USP31: variants seen among roughly 807,000 people sequenced by gnomAD.
USP31 encodes the protein ubiquitin carboxyl-terminal hydrolase 31.
In USP31, 44 loss-of-function variants were observed where a neutral mutation model predicts 119.4. That is an observed-to-expected ratio of 0.37 (90% CI 0.29 to 0.47). The LOEUF (loss-of-function observed/expected upper bound fraction) is 0.47, where lower values mean the gene tolerates loss of function less well. USP31 is among the 20% of genes least tolerant of loss of function. The pLI, the probability that USP31 is intolerant of heterozygous loss-of-function variation, is 0.99. For synonymous variants in USP31, 749 were observed against 705.6 expected (o/e 1.06, Z -0.97); for missense variants, 1,643 against 1,730.2 (o/e 0.95, Z 0.89).
At position 23,149,209 on chromosome 16, in the gene USP31, C is replaced by T; in HGVS notation, c.62G>A (p.Arg21His). 4 of 1,147,398 alleles carry T rather than the reference C, an allele frequency of 3.5e-6. No homozygotes were observed. Among genetic ancestry groups the T allele is most frequent in the South Asian group, 4.1e-5 (1 of 24,264 alleles). 71.1% of individuals were successfully genotyped at this position (1,147,398 alleles called of 1,614,324 possible). A position where few individuals can be genotyped will look rare whatever the true frequency, so the allele number is the denominator to read the frequency against. The change falls in exon 1 of 16, where the codon CGC becomes CAC. Residue 21 changes from arginine (R) to histidine (H), a missense_variant. This residue lies in a region of USP31 where 302 missense variants were observed against 262.6 expected (regional missense o/e 1.15). Transcript: ENST00000219689. Reference sequence around the variant, plus strand: ...CCGAAACAGCCGCTTGCTGAAGGAGCGCTTCTCCTTCCCGCTCGCCGCCGC... The same window carrying T: ...CCGAAACAGCCGCTTGCTGAAGGAGTGCTTCTCCTTCCCGCTCGCCGCCGC... Reference protein sequence around the residue: ...PPAAASGKEKRSFSKRLFRSG... With the variant: ...PPAAASGKEKHSFSKRLFRSG...
chr16:23,113,112 G>A (rs1902376968), intron 1 of USP31, among the ~76,000 whole-genome samples: 1 of 152,150 alleles, frequency 6.6e-6, no homozygotes, highest in African/African-American at 2.4e-5. Flanking sequence ...AAACATGTAG[G>A]TGTCACTATA....
At chr16:23,108,232 A>G in intron 1 of USP31, 49 bp from the exon 2 acceptor site, 1 of 1,548,188 alleles carries the variant, frequency 6.5e-7, no homozygotes, top group Non-Finnish European at 8.7e-7. Context: ...TCCTGGCTTT[A>G]AAGAAAAACT....
At position 23,066,463 on chromosome 16, in the gene USP31, T is replaced by C. The variant is rs539841421; in HGVS notation, c.*1583A>G. On this transcript the variant is annotated 3_prime_UTR_variant, in exon 16 of 16. Coordinates refer to ENST00000219689, the MANE Select transcript of USP31 (RefSeq NM_020718.4). ...ATTCACAGCTATGCATGCATATGTGTTGTAGTTAATTCACACACAGCAATA... is the reference window on the plus strand; with the variant it reads ...ATTCACAGCTATGCATGCATATGTGCTGTAGTTAATTCACACACAGCAATA... 1.3e-5 allele frequency: 2 copies of C among 152,462 alleles called. No individual in the cohort carries two copies. Among genetic ancestry groups the C allele is most frequent in the South Asian group, 2.1e-4 (1 of 4,820 alleles). 9.4% of individuals were successfully genotyped at this position (152,462 alleles called of 1,614,324 possible).
chr16:23,131,286 A>G (rs1397514390), intron 1 of USP31, among the ~76,000 whole-genome samples: 1 of 152,190 alleles, frequency 6.6e-6, no homozygotes, highest in Non-Finnish European at 1.5e-5. Context: ...TGGGCGACAG[A>G]GCAAGACTGT....
intron 15 of USP31, among the ~76,000 whole-genome samples, chr16:23,071,683 G>T (rs1458204924): frequency 6.6e-6 from 1 of 151,824 alleles, no homozygotes; most frequent in African/African-American, 2.4e-5. Context: ...CCCACCACGT[G>T]GCCTGGGCAA....
intron 1 of USP31, among the ~76,000 whole-genome samples, chr16:23,133,348 T>G (rs768792291): frequency 2.2e-4 from 33 of 152,160 alleles, no homozygotes; most frequent in Non-Finnish European, 4.4e-4. Context: ...TCTTTGGTTG[T>G]GCCACGTTCC....
chr16:23,098,925 G>A (rs2141863591), intron 6 of USP31, among the ~76,000 whole-genome samples: 1 of 152,270 alleles, frequency 6.6e-6, no homozygotes, highest in South Asian at 2.1e-4. Context: ...AGGGCTTCAT[G>A]ACTAAAACAC....
Position 23,107,951 on chromosome 16 carries a change from T to C in USP31, c.771+95A>G, listed in dbSNP as rs1174802274. 3.5e-6 allele frequency: 5 copies of C among 1,419,620 alleles called. No individual in the cohort carries two copies. In the South Asian group the frequency reaches 6.2e-5, roughly 18 times the overall value. 87.9% of individuals were successfully genotyped at this position (1,419,620 alleles called of 1,614,324 possible). A position where few individuals can be genotyped will look rare whatever the true frequency, so the allele number is the denominator to read the frequency against. ...TTATACTCACCCAGAGCTTAGTCAA[T>C]TTCATTGTATTAACGCAATGCAACA... is the stretch of plus-strand genomic sequence containing the variant. On this transcript the variant is annotated intron_variant, in intron 2 of 15. Coordinates refer to ENST00000219689, the MANE Select transcript of USP31 (RefSeq NM_020718.4).
At position 23,068,644 on chromosome 16, in the gene USP31, A is replaced by G. The variant is rs1297334691; in HGVS notation, c.3461T>C (p.Leu1154Ser). The change falls in exon 16 of 16, where the codon TTG becomes TCG. Residue 1154 changes from leucine (L) to serine (S), a missense_variant. Transcript: ENST00000219689. ...GCTTTGTCTGGAGCCCTCTCTACTC[A>G]AGCTGTGGTCTGAAGTCCTGCTCTT... ...PGKSRTSDHS[L>S]SREGSRQSLG... 1 of 1,614,104 alleles carries G rather than the reference A, an allele frequency of 6.2e-7. No homozygotes were observed.
At chr16:23,078,698 C>T (rs1900693099) in intron 13 of USP31, among the ~76,000 whole-genome samples, 1 of 152,200 alleles carries the variant, frequency 6.6e-6, no homozygotes, top group Non-Finnish European at 1.5e-5. Context: ...CTACTGATCT[C>T]TGCTGTGATA....
chr16:23,082,831 CT>C lies in USP31; in HGVS notation c.1831-275del, dbSNP rs71151692. Among the ~76,000 whole-genome samples, 319 of 129,244 alleles carry C rather than the reference CT, an allele frequency of 2.5e-3. 1 individual carries two copies. The highest frequency in any genetic ancestry group is 9.3e-3 in the South Asian group (37 of 3,964). 84.8% of individuals were successfully genotyped at this position (129,244 alleles called of 152,430 possible). On this transcript the variant is annotated intron_variant, in intron 11 of 15. Coordinates refer to ENST00000219689, the MANE Select transcript of USP31 (RefSeq NM_020718.4). ...TAAATATGTTACTTTCTTTCTCTCT[CT>C]TTTTTTTTTTTTTTTTGAAACAGAG...
chr16:23,078,875 T>C (rs1900699835), intron 13 of USP31: 1 of 152,196 alleles, frequency 6.6e-6, no homozygotes, highest in Non-Finnish European at 1.5e-5. Flanking sequence ...CAGTGGAACA[T>C]TACTCAGCCC....
chr16:23,134,091 A>T (rs9934183), intron 1 of USP31, among the ~76,000 whole-genome samples: 5,090 of 29,924 alleles, frequency 0.17, 86 homozygotes, highest in African/African-American at 0.27. Flanking sequence ...TCTCTCTCTC[A>T]CACACACACA....
At position 23,063,056 on chromosome 16, in the gene USP31, T is replaced by C. The variant is rs939000381; in HGVS notation, c.*4990A>G. The C allele has an allele frequency of 6.6e-6, 1 of 152,328 alleles. No individual in the cohort carries two copies. Among genetic ancestry groups the C allele is most frequent in the Non-Finnish European group, 1.5e-5 (1 of 68,036 alleles). The allele number at this position is 152,328 out of a possible 1,614,324, so 9.4% of individuals were successfully genotyped here. A position where few individuals can be genotyped will look rare whatever the true frequency, so the allele number is the denominator to read the frequency against. On this transcript the variant is annotated 3_prime_UTR_variant, in exon 16 of 16. Transcript: ENST00000219689. ...CCCCTACATGAATTAGATCAAAAGC[T>C]AGGGACTGGGACCCAGGCACTGTAT... is the stretch of plus-strand genomic sequence containing the variant.
intron 2 of USP31, 44 bp from the exon 3 acceptor site, chr16:23,106,531 A>G (rs374811631): frequency 6.5e-7 from 1 of 1,537,182 alleles, no homozygotes; most frequent in African/African-American, 1.4e-5. Context: ...AGAAAGACCA[A>G]TTCTTGGTTG....
At chr16:23,111,754 A>T (rs1316728057) in intron 1 of USP31, among the ~76,000 whole-genome samples, 1 of 152,176 alleles carries the variant, frequency 6.6e-6, no homozygotes, top group Non-Finnish European at 1.5e-5. Context: ...ACCATCAAAG[A>T]TGTTGTGAGA....
At position 23,102,462 on chromosome 16, in the gene USP31, A is replaced by T; in HGVS notation, c.1091T>A (p.Ile364Asn). 3.1e-6 allele frequency: 5 copies of T among 1,599,738 alleles called. No homozygotes were observed. Among genetic ancestry groups the T allele is most frequent in the Non-Finnish European group, 4.3e-6 (5 of 1,175,058 alleles). Residue 364 changes from isoleucine to asparagine, a missense_variant and splice_region_variant, in exon 6 of 16, where the codon ATT (isoleucine) becomes AAT (asparagine). Ile to Asn is a moderately radical substitution (Grantham distance 149). Around this residue, in one of 5 missense-constraint regions of USP31, gnomAD observed 219 missense variants for 226.4 expected, o/e 0.97. Transcript: ENST00000219689. ...ATCATAGTACATTTCTGTTAACACA[A>T]TCTAAAAATAGGAAAAATGTAAACA... ...SMETKIPTDQ[I>N]VLTEMYYDGF... is the part of the protein sequence containing the mutation.
intron 6 of USP31, among the ~76,000 whole-genome samples, chr16:23,092,653 C>T (rs955158910): frequency 6.6e-6 from 1 of 152,136 alleles, no homozygotes; most frequent in African/African-American, 2.4e-5. Context: ...AACAAAAACA[C>T]ATACAGGGAA....
chr16:23,085,260 A>T (rs191100266), intron 10 of USP31, among the ~76,000 whole-genome samples: 2 of 152,204 alleles, frequency 1.3e-5, no homozygotes, highest in Non-Finnish European at 2.9e-5. Context: ...TGTCCTTTAC[A>T]TCTAAGAACA....
Sources: gnomAD v4.1 joint callset for allele counts (sites outside exome capture counted in the v4.1 genomes callset) on GRCh38, gnomAD v4.1.1 for gene constraint, gnomAD v4.1.1 regional missense constraint, MANE v1.5 for transcripts, NCBI Gene and HGNC (gene_info 2026-07-23, HGNC 2026-07-21) for gene names.